ALG8: variants seen among roughly 807,000 people sequenced by gnomAD.
ALG8 encodes ALG8 alpha-1,3-glucosyltransferase, also known as dolichyl pyrophosphate Glc1Man9GlcNAc2 alpha-1,3-glucosyltransferase.
ALG8 carries 48 observed loss-of-function variants against 70.2 expected under a neutral mutation model. The ratio of observed to expected loss-of-function variants is 0.68; its 90% CI spans 0.54 to 0.87. The LOEUF is 0.87. ALG8 is among the 40% of genes least tolerant of loss of function. The pLI, the probability that ALG8 is intolerant of heterozygous loss-of-function variation, is 0.00. For missense variants in ALG8, 572 were observed against 608.7 expected (o/e 0.94, Z 0.64); for synonymous variants, 234 against 229.0 (o/e 1.02, Z -0.20).
rs750873320 is a variant in ALG8, at chr11:78,112,639, C to T, written c.898+11G>A. Reference sequence around the variant, plus strand: ...ATTCAGAGTCTGAGTAAAAAATGCTCGCTACCATACCGATGACAGACAGCA... The same window carrying T: ...ATTCAGAGTCTGAGTAAAAAATGCTTGCTACCATACCGATGACAGACAGCA... On this transcript the variant is annotated intron_variant, in intron 8 of 12. Transcript: ENST00000299626. 22 of 1,613,126 alleles carry T rather than the reference C, an allele frequency of 1.4e-5. 1 individual carries two copies. Among genetic ancestry groups the T allele is most frequent in the Middle Eastern group, 1.6e-4 (1 of 6,074 alleles).
intron 1 of ALG8, among the ~76,000 whole-genome samples, chr11:78,132,983 C>T (rs1325166241): frequency 6.6e-6 from 1 of 151,898 alleles, no homozygotes; most frequent in African/African-American, 2.4e-5. Context: ...ACTACACGCG[C>T]CCACCACCAC....
intron 9 of ALG8, among the ~76,000 whole-genome samples, chr11:78,108,783 T>A (rs1200150740): frequency 6.6e-6 from 1 of 152,232 alleles, no homozygotes; most frequent in Non-Finnish European, 1.5e-5. Flanking sequence ...ATCAGGTGGT[T>A]GCTAGCAGGT....
chr11:78,105,980 T>C (rs1233954036), intron 10 of ALG8, among the ~76,000 whole-genome samples: 1 of 152,164 alleles, frequency 6.6e-6, no homozygotes, highest in Non-Finnish European at 1.5e-5. Context: ...AGTACTGGGA[T>C]TGCAGATGTG....
chr11:78,136,318 AC>A (rs1861549748), intron 1 of ALG8, among the ~76,000 whole-genome samples: 1 of 150,134 alleles, frequency 6.7e-6, no homozygotes, highest in South Asian at 2.1e-4. Flanking sequence ...AAAAAAAAAA[AC>A]AAACCAAAAC....
chr11:78,106,161 C>T (rs1860021186), intron 10 of ALG8, among the ~76,000 whole-genome samples: 1 of 152,068 alleles, frequency 6.6e-6, no homozygotes, highest in Non-Finnish European at 1.5e-5. Context: ...ACCATGGGAC[C>T]TTATTTTCAG....
Position 78,113,861 on chromosome 11 carries a change from G to GAAAAAAAAAA in ALG8, c.777+15_777+24dup, listed in dbSNP as rs111652232. 1.8e-5 allele frequency: 22 copies of GAAAAAAAAAA among 1,243,352 alleles called. 3 individuals carry two copies. The highest frequency in any genetic ancestry group is 7.4e-5 in the South Asian group (5 of 67,798). The allele number at this position is 1,243,352 out of a possible 1,614,324, so 77.0% of individuals were successfully genotyped here. A position where few individuals can be genotyped will look rare whatever the true frequency, so the allele number is the denominator to read the frequency against. On this transcript the variant is annotated intron_variant, in intron 7 of 12. Transcript: ENST00000299626. The stretch of plus-strand genomic sequence containing the variant: ...CACCAACAAAGAACATGTATTAATT[G>GAAAAAAAAAA]AAAAAAAAAAAAAAAAAGGCTTACC...
chr11:78,139,095 G>T, intron 1 of ALG8: 1 of 351,692 alleles, frequency 2.8e-6, no homozygotes, highest in South Asian at 2.4e-5. Flanking sequence ...TGTTTGTCTA[G>T]CTCCACCCAC....
chr11:78,114,500 A>G, intron 5 of ALG8, 108 bp from the exon 6 acceptor site: 1 of 1,320,580 alleles, frequency 7.6e-7, no homozygotes, highest in Non-Finnish European at 1.1e-6. Flanking sequence ...ATTAAAGGAA[A>G]AACGGGTGAA....
intron 3 of ALG8, among the ~76,000 whole-genome samples, chr11:78,123,001 C>G (rs953946807): frequency 6.7e-6 from 1 of 149,390 alleles, no homozygotes; most frequent in South Asian, 2.2e-4. Context: ...ATCACACCAG[C>G]GAGCTTAAGA....
chr11:78,106,809 C>G lies in ALG8; in HGVS notation c.1176G>C (p.Met392Ile). 1 of 1,614,006 alleles carries G rather than the reference C, an allele frequency of 6.2e-7. No individual in the cohort carries two copies. The highest frequency in any genetic ancestry group is 8.5e-7 in the Non-Finnish European group (1 of 1,179,958). Reference sequence around the variant, plus strand: ...CACTGGCTGAGCTATCTGCTTACCTCATTGGGAGAATTGCTAGAAGTATGG... The same window carrying G: ...CACTGGCTGAGCTATCTGCTTACCTGATTGGGAGAATTGCTAGAAGTATGG... ...EKAILLAILP[M>I]SLLSVGKAGD... The change falls in exon 10 of 13, where the codon ATG (methionine) becomes ATC (isoleucine). Residue 392 changes from methionine (M) to isoleucine (I), a missense_variant and splice_region_variant. Coordinates refer to ENST00000299626, the MANE Select transcript of ALG8 (RefSeq NM_024079.5).
chr11:78,124,017 T>C lies in ALG8; in HGVS notation c.368+4A>G. On this transcript the variant is annotated splice_donor_region_variant and intron_variant, in intron 3 of 12. Transcript: ENST00000299626. ...CCATACAAAATGACATGCTCCAGAC[T>C]TACTCACGGACAGCATACACAAAGA... 6.2e-7 allele frequency: 1 copy of C among 1,614,110 alleles called. No individual in the cohort carries two copies. The highest frequency in any genetic ancestry group is 1.1e-5 in the South Asian group (1 of 91,070).
chr11:78,105,591 C>T (rs1859985423), intron 10 of ALG8, among the ~76,000 whole-genome samples: 3 of 151,004 alleles, frequency 2.0e-5, no homozygotes, highest in Admixed American at 2.0e-4. Context: ...ACTGCTTGTG[C>T]CCAGTAGTTT....
At chr11:78,114,626 A>C in intron 5 of ALG8, 1 of 555,986 alleles carries the variant, frequency 1.8e-6, no homozygotes, top group South Asian at 2.0e-5. Flanking sequence ...CTATTTCTAC[A>C]ACTTTTCTGG....
intron 11 of ALG8, 61 bp downstream of exon 11, chr11:78,104,295 G>T: frequency 7.1e-7 from 1 of 1,406,156 alleles, no homozygotes; most frequent in Non-Finnish European, 9.7e-7. Flanking sequence ...GTATTAATCT[G>T]TGGGCCTCGA....
intron 5 of ALG8, among the ~76,000 whole-genome samples, chr11:78,116,379 C>G (rs1860568870): frequency 6.6e-6 from 1 of 150,982 alleles, no homozygotes; most frequent in Non-Finnish European, 1.5e-5. Flanking sequence ...CCAAAACAAA[C>G]AAACAAACAA....
chr11:78,106,726 G>C, intron 10 of ALG8, 81 bp downstream of exon 10: 1 of 1,583,388 alleles, frequency 6.3e-7, no homozygotes, highest in Non-Finnish European at 8.6e-7. Context: ...TGGTGAACAT[G>C]ACAAGAAGGG....
chr11:78,123,315 G>GAAAAAAAAAAAAAAAAAAAAAAAAA (rs1220218900), intron 3 of ALG8, among the ~76,000 whole-genome samples: 4 of 88,532 alleles, frequency 4.5e-5, no homozygotes, highest in South Asian at 3.8e-4. Context: ...GGAAAAAAAA[G>GAAAAAAAAAAAAAAAAAAAAAAAAA]AAAAAAAAAA....
intron 3 of ALG8, among the ~76,000 whole-genome samples, chr11:78,123,357 G>C (rs1222307239): frequency 7.8e-6 from 1 of 128,694 alleles, no homozygotes; most frequent in African/African-American, 2.7e-5. Context: ...AATTAGGAAA[G>C]AATGGAAACT....
chr11:78,139,333 CAAGT>C (rs1352262729), intron 1 of ALG8, 157 bp downstream of exon 1: 22 of 739,242 alleles, frequency 3.0e-5, no homozygotes, highest in Non-Finnish European at 4.9e-5. Context: ...GGGGCTAAGT[CAAGT>C]AACAACTGGC....
Sources: allele counts gnomAD v4.1 joint callset (sites outside exome capture counted in the v4.1 genomes callset), GRCh38; gene constraint gnomAD v4.1.1; transcripts MANE v1.5; gene names NCBI Gene and HGNC (gene_info 2026-07-23, HGNC 2026-07-21).